Variants in TCF19 observed in about 807,000 individuals in gnomAD.
The protein encoded by TCF19 is transcription factor SC1.
A neutral mutation model predicts 18.3 loss-of-function variants in TCF19; 9 were observed. The observed-to-expected ratio is 0.49, with a 90% CI of 0.30 to 0.86. The LOEUF (loss-of-function observed/expected upper bound fraction) is 0.86. Among genes scored for constraint, TCF19 ranks in the 40% least tolerant of loss-of-function variants. TCF19 has a pLI of 0.07. For missense variants in TCF19, 376 were observed against 464.3 expected (o/e 0.81, Z 1.75); for synonymous variants, 176 against 185.3 (o/e 0.95, Z 0.41).
At position 31,159,569 on chromosome 6, in the gene TCF19, G is replaced by T; in HGVS notation, c.100G>T (p.Gly34Cys). The T allele has an allele frequency of 6.2e-7, 1 of 1,612,140 alleles. No individual in the cohort carries two copies. The highest frequency in any genetic ancestry group is 8.5e-7 in the Non-Finnish European group (1 of 1,179,740). Residue 34 changes from glycine to cysteine, a missense_variant, in exon 2 of 4, where the codon GGC (glycine) becomes TGC (cysteine). Gly to Cys is a radical substitution (Grantham distance 159). Transcript: ENST00000376257. ...PAGAGCTYRLGHRADLCDVAL... is the reference protein window; with the variant it reads ...PAGAGCTYRLCHRADLCDVAL... The stretch of plus-strand genomic sequence containing the variant: ...CGGGGCTGGCTGCACCTATCGCTTG[G>T]GCCACAGGGCCGACCTGTGTGATGT...
Position 31,162,880 on chromosome 6 carries a change from C to G in TCF19, c.*163C>G. The G allele has an allele frequency of 7.0e-7, 1 of 1,427,014 alleles. No individual in the cohort carries two copies. The highest frequency in any genetic ancestry group is 9.1e-7 in the Non-Finnish European group (1 of 1,095,228). 88.4% of individuals were successfully genotyped at this position (1,427,014 alleles called of 1,614,324 possible). On this transcript the variant is annotated 3_prime_UTR_variant, in exon 4 of 4. Transcript: ENST00000376257. The surrounding 1 kb of genome is among the most constrained non-coding windows in gnomAD (Gnocchi z 4.5). The stretch of plus-strand genomic sequence containing the variant: ...GACTCATTCAGGGCCTGGAGCAGAC[C>G]CTGGTGGCCAAGACAGAAGAGATGG...
chr6:31,163,682 G>C lies in TCF19; in HGVS notation c.*965G>C, dbSNP rs1331004242. 1.0e-6 allele frequency: 1 copy of C among 985,296 alleles called. No homozygotes were observed. The highest frequency in any genetic ancestry group is 1.7e-5 in the African/African-American group (1 of 57,218). The allele number at this position is 985,296 out of a possible 1,614,324, so 61.0% of individuals were successfully genotyped here. ...AATCAAACCGCTTAACCCACACATG[G>C]TACATGTGATTTTCTTTTGTGAGCC... On this transcript the variant is annotated 3_prime_UTR_variant, in exon 4 of 4. Transcript: ENST00000376257.
rs1354833994 is a variant in TCF19, at chr6:31,162,265, C to G, written c.798-212C>G. Among the ~76,000 whole-genome samples the G allele has an allele frequency of 6.6e-6, 1 of 152,182 alleles. No homozygotes were observed. The highest frequency in any genetic ancestry group is 1.5e-5 in the Non-Finnish European group (1 of 68,034). The stretch of plus-strand genomic sequence containing the variant: ...ACATTCATATGGCTTTAACCCCATT[C>G]TTCTAGTGCCTAAGGATGGGGAACT... On this transcript the variant is annotated intron_variant, in intron 3 of 3. Transcript: ENST00000376257. The surrounding 1 kb of genome is among the most constrained non-coding windows in gnomAD (Gnocchi z 4.5).
In TCF19 at chr6:31,163,666, G is replaced by A. The variant is rs574454148; in HGVS notation, c.*949G>A. On this transcript the variant is annotated 3_prime_UTR_variant, in exon 4 of 4. Transcript: ENST00000376257. Reference sequence around the variant, plus strand: ...GGCCTGGTTCAGTGTGAATCAAACCGCTTAACCCACACATGGTACATGTGA... The same window carrying A: ...GGCCTGGTTCAGTGTGAATCAAACCACTTAACCCACACATGGTACATGTGA... The A allele has an allele frequency of 2.6e-5, 26 of 985,320 alleles. No individual in the cohort carries two copies. Among genetic ancestry groups the A allele is most frequent in the African/African-American group, 1.0e-4 (6 of 57,218 alleles). The allele number at this position is 985,320 out of a possible 1,614,324, so 61.0% of individuals were successfully genotyped here.
intron 2 of TCF19, 147 bp downstream of exon 2, chr6:31,159,854 C>A: frequency 2.4e-6 from 2 of 834,830 alleles, no homozygotes; most frequent in Non-Finnish European, 3.8e-6. Flanking sequence ...ATCTTCCCAC[C>A]AGAAGTGTGC....
chr6:31,162,021 A>G lies in TCF19; in HGVS notation c.797+16A>G. ...CTCCCACTGGGTAAGTGGAGTCCTC[A>G]CTTGGCCCTCTCAGTGTTTTACTGC... is the stretch of plus-strand genomic sequence containing the variant. On this transcript the variant is annotated intron_variant, in intron 3 of 3. Coordinates refer to ENST00000376257, the MANE Select transcript of TCF19 (RefSeq NM_007109.3). The surrounding 1 kb of genome is among the most constrained non-coding windows in gnomAD (Gnocchi z 4.5). 6 of 1,586,358 alleles carry G rather than the reference A, an allele frequency of 3.8e-6. No individual in the cohort carries two copies. The highest frequency in any genetic ancestry group is 4.3e-6 in the Non-Finnish European group (5 of 1,164,488).
Position 31,161,864 on chromosome 6 carries a change from C to G in TCF19, c.656C>G (p.Pro219Arg). ...ATGGGGACCACGCCTTCTGCTCCAC[C>G]ACAACGCAATCGGAGGAAATCTGTT... is the stretch of plus-strand genomic sequence containing the variant. ...GEMGTTPSAPPQRNRRKSVHR... is the reference protein window; with the variant it reads ...GEMGTTPSAPRQRNRRKSVHR... Residue 219 changes from proline (P) to arginine (R), a missense_variant, in exon 3 of 4, where the codon CCA (proline) becomes CGA (arginine). Transcript: ENST00000376257. 1.2e-6 allele frequency: 2 copies of G among 1,612,996 alleles called. No homozygotes were observed. The highest frequency in any genetic ancestry group is 1.7e-6 in the Non-Finnish European group (2 of 1,179,990).
At position 31,163,294 on chromosome 6, in the gene TCF19, G is replaced by C; in HGVS notation, c.*577G>C. The C allele has an allele frequency of 1.0e-6, 1 of 986,810 alleles. No individual in the cohort carries two copies. Among genetic ancestry groups the C allele is most frequent in the African/African-American group, 1.7e-5 (1 of 57,374 alleles). 61.1% of individuals were successfully genotyped at this position (986,810 alleles called of 1,614,324 possible). On this transcript the variant is annotated 3_prime_UTR_variant, in exon 4 of 4. Transcript: ENST00000376257. ...TGTGATATTCCTTGCTTTCCAGGGA[G>C]AATGTGCTTGGCAAGGTCTGGAGAA... is the stretch of plus-strand genomic sequence containing the variant.
At position 31,159,431 on chromosome 6, in the gene TCF19, G is replaced by A. The variant is rs1370850274; in HGVS notation, c.-39G>A. Reference sequence around the variant, plus strand: ...CCCAGGAGTGGGAAAGGAAATGGATGCCTGAAGTGGAAGAGGTGGTGCAGA... The same window carrying A: ...CCCAGGAGTGGGAAAGGAAATGGATACCTGAAGTGGAAGAGGTGGTGCAGA... On this transcript the variant is annotated 5_prime_UTR_variant, in exon 2 of 4. It removes an upstream start codon present in the reference 5' UTR. Transcript: ENST00000376257. 4.7e-6 allele frequency: 7 copies of A among 1,490,362 alleles called. No individual in the cohort carries two copies. Among genetic ancestry groups the A allele is most frequent in the Non-Finnish European group, 5.4e-6 (6 of 1,107,920 alleles). The allele number at this position is 1,490,362 out of a possible 1,614,324, so 92.3% of individuals were successfully genotyped here.
chr6:31,163,615 T>G lies in TCF19; in HGVS notation c.*898T>G, dbSNP rs1776952377. ...CTGTGACACAGCTCCACTCCACGGG[T>G]GGACACAGCAGAGGGCAACTGGGCT... On this transcript the variant is annotated 3_prime_UTR_variant, in exon 4 of 4. Coordinates refer to ENST00000376257, the MANE Select transcript of TCF19 (RefSeq NM_007109.3). The G allele has an allele frequency of 3.0e-6, 3 of 985,280 alleles. No homozygotes were observed. The African/African-American group carries it at 5.2e-5, about 17-fold the overall frequency. 61.0% of individuals were successfully genotyped at this position (985,280 alleles called of 1,614,324 possible). A position where few individuals can be genotyped will look rare whatever the true frequency, so the allele number is the denominator to read the frequency against.
chr6:31,160,221 A>C (rs1156334164), intron 2 of TCF19, among the ~76,000 whole-genome samples: 1 of 152,168 alleles, frequency 6.6e-6, no homozygotes, highest in African/African-American at 2.4e-5. Flanking sequence ...GCTTACTGTT[A>C]TGAGCCAGGC....
rs185618592 is a variant in TCF19 at position 31,161,946 on chromosome 6, G to C, written c.738G>C (p.Pro246=). The change falls in exon 3 of 4, where the codon CCG becomes CCC. Residue 246 remains proline (P), a synonymous_variant. Transcript: ENST00000376257. ...DESEPPENPP[P]VLMEPRKKLR... ...GTGAGCCTCCTGAGAACCCGCCACCGGTCCTTATGGAGCCCAGGAAGAAAC... is the reference window on the plus strand; with the variant it reads ...GTGAGCCTCCTGAGAACCCGCCACCCGTCCTTATGGAGCCCAGGAAGAAAC... 2 of 1,612,748 alleles carry C rather than the reference G, an allele frequency of 1.2e-6. No homozygotes were observed. The highest frequency in any genetic ancestry group is 1.7e-5 in the Admixed American group (1 of 59,988).
rs763975435 is a variant in TCF19, at chr6:31,162,732, G to A, written c.*15G>A. On this transcript the variant is annotated 3_prime_UTR_variant, in exon 4 of 4. Transcript: ENST00000376257. This position sits in a 1 kb window ranked among gnomAD's most constrained non-coding sequence, Gnocchi z 4.5. ...TTCAGACCTAAGGTCCACTGCCAAG[G>A]CACCATCGGACACACCTGCCCATGA... 16 of 1,607,570 alleles carry A rather than the reference G, an allele frequency of 1.0e-5. No individual in the cohort carries two copies. The highest frequency in any genetic ancestry group is 4.2e-6 in the Non-Finnish European group (5 of 1,179,588).
chr6:31,162,081 G>A lies in TCF19; in HGVS notation c.797+76G>A, dbSNP rs767899940. On this transcript the variant is annotated intron_variant, in intron 3 of 3. Coordinates refer to ENST00000376257, the MANE Select transcript of TCF19 (RefSeq NM_007109.3). The surrounding 1 kb of genome is among the most constrained non-coding windows in gnomAD (Gnocchi z 4.5). The stretch of plus-strand genomic sequence containing the variant: ...CCTTGTATCCCTAGGCTGTGAGGAG[G>A]TCCCCCTGCCTGGGGGGATGGGCAC... The A allele has an allele frequency of 2.0e-6, 3 of 1,471,388 alleles. No homozygotes were observed. The highest frequency in any genetic ancestry group is 2.7e-6 in the Non-Finnish European group (3 of 1,099,966). 91.1% of individuals were successfully genotyped at this position (1,471,388 alleles called of 1,614,324 possible).
Position 31,163,784 on chromosome 6 carries a change from C to T in TCF19, c.*1067C>T, listed in dbSNP as rs1327417586. On this transcript the variant is annotated 3_prime_UTR_variant, in exon 4 of 4. Coordinates refer to ENST00000376257, the MANE Select transcript of TCF19 (RefSeq NM_007109.3). ...TTATCTTGACCTGTTCTATTAAAAC[C>T]TGCCACACCCGCCCTTTCCTACCTA... The T allele has an allele frequency of 2.0e-6, 2 of 984,658 alleles. No homozygotes were observed. Among genetic ancestry groups the T allele is most frequent in the Non-Finnish European group, 2.4e-6 (2 of 829,898 alleles). 61.0% of individuals were successfully genotyped at this position (984,658 alleles called of 1,614,324 possible). A position where few individuals can be genotyped will look rare whatever the true frequency, so the allele number is the denominator to read the frequency against.
At position 31,162,984 on chromosome 6, in the gene TCF19, T is replaced by C. The variant is rs548195314; in HGVS notation, c.*267T>C. 1,391 of 1,362,190 alleles carry C rather than the reference T, an allele frequency of 1.0e-3. 6 individuals carry two copies. The highest frequency in any genetic ancestry group is 1.2e-3 in the Non-Finnish European group (1,251 of 1,061,044). 84.4% of individuals were successfully genotyped at this position (1,362,190 alleles called of 1,614,324 possible). On this transcript the variant is annotated 3_prime_UTR_variant, in exon 4 of 4. Coordinates refer to ENST00000376257, the MANE Select transcript of TCF19 (RefSeq NM_007109.3). This position sits in a 1 kb window ranked among gnomAD's most constrained non-coding sequence, Gnocchi z 4.5. ...CCCACTATTACAAGCCATAAGGCCATGTTGCCATGGACACCAGAATATCTG... is the reference window on the plus strand; with the variant it reads ...CCCACTATTACAAGCCATAAGGCCACGTTGCCATGGACACCAGAATATCTG...
At position 31,162,960 on chromosome 6, in the gene TCF19, C is replaced by G. The variant is rs1479382670; in HGVS notation, c.*243C>G. The G allele has an allele frequency of 9.3e-6, 13 of 1,402,654 alleles. No homozygotes were observed. Among genetic ancestry groups the G allele is most frequent in the Non-Finnish European group, 1.2e-5 (13 of 1,083,208 alleles). 86.9% of individuals were successfully genotyped at this position (1,402,654 alleles called of 1,614,324 possible). A position where few individuals can be genotyped will look rare whatever the true frequency, so the allele number is the denominator to read the frequency against. ...GAAATTGCCAGTGAGCTGGAAGTTC[C>G]CACTATTACAAGCCATAAGGCCATG... On this transcript the variant is annotated 3_prime_UTR_variant, in exon 4 of 4. Transcript: ENST00000376257. This position sits in a 1 kb window ranked among gnomAD's most constrained non-coding sequence, Gnocchi z 4.5.
rs1776575472 is a variant in TCF19 at position 31,159,396 on chromosome 6, C to A, written c.-74C>A. The A allele has an allele frequency of 3.8e-6, 5 of 1,324,010 alleles. No individual in the cohort carries two copies. The African/African-American group carries it at 4.4e-5, about 12-fold the overall frequency. 82.0% of individuals were successfully genotyped at this position (1,324,010 alleles called of 1,614,324 possible). Reference sequence around the variant, plus strand: ...AGACTGGGAAGCGAACTTAAGCCAGCGGTGCGTGGCCCAGGAGTGGGAAAG... The same window carrying A: ...AGACTGGGAAGCGAACTTAAGCCAGAGGTGCGTGGCCCAGGAGTGGGAAAG... On this transcript the variant is annotated 5_prime_UTR_variant, in exon 2 of 4. Coordinates refer to ENST00000376257, the MANE Select transcript of TCF19 (RefSeq NM_007109.3).
At chr6:31,159,775 C>CAGG in intron 2 of TCF19, 68 bp downstream of exon 2, 1 of 1,511,242 alleles carries the variant, frequency 6.6e-7, no homozygotes, top group East Asian at 2.3e-5. Context: ...AGTAAGGTCT[C>CAGG]CACAAGACCC....
Sources: allele counts gnomAD v4.1 joint callset (sites outside exome capture counted in the v4.1 genomes callset), GRCh38; gene constraint gnomAD v4.1.1; non-coding constraint Gnocchi (gnomAD v3.1); transcripts MANE v1.5; gene names NCBI Gene and HGNC (gene_info 2026-07-23, HGNC 2026-07-21).